Variants in BRCA2 observed in about 807,000 individuals in gnomAD.
BRCA2 encodes the protein BRCA2 DNA repair associated, also known as breast cancer type 2 susceptibility protein.
A neutral mutation model predicts 276.7 loss-of-function variants in BRCA2; 203 were observed. That is an observed-to-expected ratio of 0.73 (90% CI 0.65 to 0.82). The LOEUF is 0.82. BRCA2 is among the 40% of genes least tolerant of loss of function. The probability of loss-of-function intolerance (pLI) is 0.00; values close to 1 mark genes in which losing one functional copy is unlikely to be tolerated. For synonymous variants in BRCA2, 1,289 were observed against 1,338.4 expected (o/e 0.96, Z 0.81); for missense variants, 3,920 against 3,915.0 (o/e 1.00, Z -0.03).
chr13:32,337,274 G>A lies in BRCA2; in HGVS notation c.2919G>A (p.Ser973=), dbSNP rs45525041. ...TGACTCTAGGTCAAGATTTAAAATC[G>A]GACATCTCCTTGAATATAGATAAAA... ...IKMTLGQDLK[S]DISLNIDKIP... The change falls in exon 11 of 27, where the codon TCG becomes TCA. Residue 973 remains serine, a synonymous_variant. Coordinates refer to ENST00000380152, the MANE Select transcript of BRCA2 (RefSeq NM_000059.4). 496 of 1,611,690 alleles carry A rather than the reference G, an allele frequency of 3.1e-4. 1 individual carries two copies. The highest frequency in any genetic ancestry group is 2.2e-3 in the Middle Eastern group (13 of 6,042).
At chr13:32,336,223 T>C (rs1340821403) in intron 10 of BRCA2, 42 bp from the exon 11 acceptor site, 1 of 1,570,386 alleles carries the variant, frequency 6.4e-7, no homozygotes, top group South Asian at 1.2e-5. Context: ...TGAATGTGAT[T>C]GATGGTACTT....
Position 32,339,596 on chromosome 13 carries a change from C to CTA in BRCA2, c.5241_5242insTA (p.Ser1748Ter), listed in dbSNP as rs749980674. The CTA allele has an allele frequency of 1.2e-6, 2 of 1,610,898 alleles. No homozygotes were observed. The highest frequency in any genetic ancestry group is 2.7e-5 in the African/African-American group (2 of 74,946). ...ATTTAAGTAACAGTAGCATGTCTAA[C>CTA]AGCTATTCCTACCATTCTGATGAGG... On this transcript the variant is annotated frameshift_variant, in exon 11 of 27. Coordinates refer to ENST00000380152, the MANE Select transcript of BRCA2 (RefSeq NM_000059.4). LOFTEE classifies it high-confidence loss of function.
intron 7 of BRCA2, 141 bp downstream of exon 7, chr13:32,326,754 T>G: frequency 1.5e-6 from 1 of 663,166 alleles, no homozygotes; most frequent in Non-Finnish European, 2.6e-6. Context: ...TGACAATAAT[T>G]TTATTCTATT....
intron 3 of BRCA2, 101 bp from the exon 4 acceptor site, chr13:32,324,975 T>C (rs2137445459): frequency 2.5e-6 from 2 of 803,214 alleles, no homozygotes; most frequent in Non-Finnish European, 4.2e-6. Flanking sequence ...ACATTCTCAT[T>C]CCCAGTATAG....
At position 32,397,045 on chromosome 13, in the gene BRCA2, G is replaced by C. The variant is rs730881573; in HGVS notation, c.9648+1G>C. The C allele has an allele frequency of 6.2e-7, 1 of 1,613,286 alleles. No individual in the cohort carries two copies. The highest frequency in any genetic ancestry group is 8.5e-7 in the Non-Finnish European group (1 of 1,179,450). ...TCCTGGTACAGGAAACAAGCTTCTG[G>C]TAAGTTAATGTAAACTCAAGGAATA... On this transcript the variant is annotated splice_donor_variant, in intron 26 of 26. Transcript: ENST00000380152. LOFTEE classifies it high-confidence loss of function.
chr13:32,329,424 A>G lies in BRCA2; in HGVS notation c.632-19A>G, dbSNP rs770293846. ...ATTCTAGTGATAATATACAATACAC[A>G]TAAATTTTTATCTTACAGTCAGAAA... On this transcript the variant is annotated intron_variant, in intron 7 of 26. Coordinates refer to ENST00000380152, the MANE Select transcript of BRCA2 (RefSeq NM_000059.4). The G allele has an allele frequency of 4.5e-6, 7 of 1,568,946 alleles. No homozygotes were observed. Among genetic ancestry groups the G allele is most frequent in the Non-Finnish European group, 3.5e-6 (4 of 1,142,590 alleles).
chr13:32,320,303 C>T (rs1399166279), intron 3 of BRCA2, among the ~76,000 whole-genome samples: 1 of 152,180 alleles, frequency 6.6e-6, no homozygotes, highest in East Asian at 1.9e-4. Context: ...CTCCCTTTGT[C>T]CTTATAGCAA....
intron 13 of BRCA2, among the ~76,000 whole-genome samples, chr13:32,349,096 C>T (rs1435076934): frequency 6.6e-6 from 1 of 151,780 alleles, no homozygotes; most frequent in Non-Finnish European, 1.5e-5. Flanking sequence ...GTGGCACACG[C>T]CTGTAATCCC....
chr13:32,346,706 C>T (rs2072612895), intron 12 of BRCA2, 121 bp from the exon 13 acceptor site: 2 of 681,122 alleles, frequency 2.9e-6, no homozygotes, highest in Admixed American at 3.0e-5. Flanking sequence ...TATTGAGCAT[C>T]TGTTACATTC....
At chr13:32,350,737 A>G (rs977602833) in intron 13 of BRCA2, among the ~76,000 whole-genome samples, 2 of 152,068 alleles carry the variant, frequency 1.3e-5, no homozygotes, top group Non-Finnish European at 2.9e-5. Context: ...TGGGCGAGAG[A>G]GCGAGACTCC....
rs1432882095 is a variant in BRCA2, at chr13:32,333,762, T to TC, written c.1909+381dup. On this transcript the variant is annotated intron_variant, in intron 10 of 26. Transcript: ENST00000380152. ...TAGCTATTTTTCCTGGTGCTCTCCT[T>TC]CCCCCCACACACCCCCACCTCCTGA... 4.6e-5 allele frequency among the ~76,000 whole-genome samples: 7 copies of TC among 152,156 alleles called. No individual in the cohort carries two copies. The East Asian group carries it at 9.7e-4, about 21-fold the overall frequency.
At chr13:32,317,519 A>G (rs1294915416) in intron 2 of BRCA2, among the ~76,000 whole-genome samples, 2 of 152,220 alleles carry the variant, frequency 1.3e-5, no homozygotes, top group Non-Finnish European at 2.9e-5. Flanking sequence ...TAGATTTTTC[A>G]AAGATCTAAT....
intron 19 of BRCA2, 26 bp downstream of exon 19, chr13:32,370,583 A>G: frequency 6.3e-7 from 1 of 1,594,994 alleles, no homozygotes; most frequent in Non-Finnish European, 8.6e-7. Context: ...GAAACTTACC[A>G]TATATTTCTT....
chr13:32,329,644 A>T, intron 8 of BRCA2, 152 bp downstream of exon 8: 1 of 668,264 alleles, frequency 1.5e-6, no homozygotes, highest in South Asian at 1.9e-5. Flanking sequence ...ATGTGATTTT[A>T]ACTTCCTGTG....
In BRCA2 at chr13:32,346,824, T is replaced by A. The variant is rs1400188645; in HGVS notation, c.6938-3T>A. 1.2e-6 allele frequency: 2 copies of A among 1,603,126 alleles called. No homozygotes were observed. The highest frequency in any genetic ancestry group is 2.2e-5 in the South Asian group (2 of 90,148). On this transcript the variant is annotated splice_polypyrimidine_tract_variant and splice_region_variant and intron_variant, in intron 12 of 26. Coordinates refer to ENST00000380152, the MANE Select transcript of BRCA2 (RefSeq NM_000059.4). The stretch of plus-strand genomic sequence containing the variant: ...TATGTAATATAAAATAATTGTTTCC[T>A]AGGCACAATAAAAGATCGAAGATTG...
At chr13:32,329,008 G>A (rs1421506028) in intron 7 of BRCA2, among the ~76,000 whole-genome samples, 3 of 152,154 alleles carry the variant, frequency 2.0e-5, no homozygotes, top group Admixed American at 1.3e-4. Flanking sequence ...TTAGCTGGGA[G>A]TAAGTTAACC....
At chr13:32,370,849 T>C in intron 19 of BRCA2, 107 bp from the exon 20 acceptor site, 2 of 1,419,108 alleles carry the variant, frequency 1.4e-6, no homozygotes, top group Non-Finnish European at 2.0e-6. Context: ...AATCTCAGCC[T>C]CCCAAAGTTC....
chr13:32,332,620 A>G lies in BRCA2; in HGVS notation c.1142A>G (p.Asp381Gly), dbSNP rs769297468. 4 of 1,614,006 alleles carry G rather than the reference A, an allele frequency of 2.5e-6. No individual in the cohort carries two copies. Among genetic ancestry groups the G allele is most frequent in the Admixed American group, 3.3e-5 (2 of 60,000 alleles). Residue 381 changes from aspartate (D) to glycine (G), a missense_variant, in exon 10 of 27, where the codon GAC (aspartate) becomes GGC (glycine). By Grantham distance (94) the Asp-to-Gly change is moderately conservative (BLOSUM62 -1). Around this residue, in one of 2 missense-constraint regions of BRCA2, gnomAD observed 3,263 missense variants for 3,156.9 expected, o/e 1.03. Transcript: ENST00000380152. ...ANQKPFESGS[D>G]KISKEVVPSL... Reference sequence around the variant, plus strand: ...CAGAAGCCCTTTGAGAGTGGAAGTGACAAAATCTCCAAGGAAGTTGTACCG... The same window carrying G: ...CAGAAGCCCTTTGAGAGTGGAAGTGGCAAAATCTCCAAGGAAGTTGTACCG...
chr13:32,365,109 C>CTT (rs57551462), intron 18 of BRCA2, among the ~76,000 whole-genome samples: 2,041 of 64,500 alleles, frequency 0.032, 425 homozygotes, highest in South Asian at 0.072. Context: ...GCAGTGCATT[C>CTT]TTTTTTTTTT....
Sources: allele counts gnomAD v4.1 joint callset (sites outside exome capture counted in the v4.1 genomes callset), GRCh38; gene constraint gnomAD v4.1.1; regional missense constraint gnomAD v4.1.1; transcripts MANE v1.5; gene names NCBI Gene and HGNC (gene_info 2026-07-23, HGNC 2026-07-21).